TAOK3: variants seen among roughly 807,000 people sequenced by gnomAD.
TAOK3 encodes TAO kinase 3, also known as serine/threonine-protein kinase TAO3.
TAOK3 carries 40 observed loss-of-function variants against 120.4 expected under a neutral mutation model. The observed-to-expected ratio is 0.33, with a 90% CI of 0.26 to 0.43. TAOK3 has a LOEUF of 0.43. Ranked by LOEUF, TAOK3 falls within the 20% of genes least tolerant of loss-of-function variation. The probability of loss-of-function intolerance (pLI) is 1.00; values close to 1 mark genes in which losing one functional copy is unlikely to be tolerated. For missense variants in TAOK3, 821 were observed against 1,112.1 expected (o/e 0.74, Z 3.72); for synonymous variants, 355 against 387.5 (o/e 0.92, Z 0.99).
chr12:118,301,734 C>G (rs772561173), intron 1 of TAOK3, among the ~76,000 whole-genome samples: 3 of 150,778 alleles, frequency 2.0e-5, no homozygotes, highest in Non-Finnish European at 4.4e-5. Flanking sequence ...CCCAGCTACT[C>G]AGGAGGCTGA....
At chr12:118,365,203 C>T (rs2045708984) in intron 1 of TAOK3, among the ~76,000 whole-genome samples, 1 of 152,156 alleles carries the variant, frequency 6.6e-6, no homozygotes, top group African/African-American at 2.4e-5. Context: ...TTTATTCTTA[C>T]ATTCCAAAGA....
intron 1 of TAOK3, among the ~76,000 whole-genome samples, chr12:118,293,262 T>G (rs954032617): frequency 6.6e-6 from 1 of 152,262 alleles, no homozygotes; most frequent in African/African-American, 2.4e-5. Context: ...GATGCCTCTA[T>G]GTTCTTAAAT....
At chr12:118,214,135 A>T in intron 9 of TAOK3, 25 bp from the exon 10 acceptor site, 2 of 1,576,162 alleles carry the variant, frequency 1.3e-6, no homozygotes, top group Non-Finnish European at 1.7e-6. Flanking sequence ...AAACACAATA[A>T]AGTAGTTCTT....
intron 11 of TAOK3, among the ~76,000 whole-genome samples, chr12:118,207,178 T>C (rs1002982491): frequency 6.6e-6 from 1 of 151,168 alleles, no homozygotes; most frequent in South Asian, 2.1e-4. Context: ...AATAGAAAAT[T>C]AGCCGGGCGT....
intron 1 of TAOK3, among the ~76,000 whole-genome samples, chr12:118,310,188 G>A (rs1046841073): frequency 9.9e-5 from 15 of 152,216 alleles, no homozygotes; most frequent in African/African-American, 3.6e-4. Context: ...GAAGGCTGAG[G>A]TGGGAGGATT....
At chr12:118,333,712 T>A (rs939778768) in intron 1 of TAOK3, among the ~76,000 whole-genome samples, 7 of 149,640 alleles carry the variant, frequency 4.7e-5, no homozygotes, top group African/African-American at 1.7e-4. Context: ...GAAAAAAAAA[T>A]CAATAAAATT....
Position 118,238,072 on chromosome 12 carries a change from C to T in TAOK3, c.437+1G>A. The T allele has an allele frequency of 1.3e-6, 2 of 1,582,416 alleles. No individual in the cohort carries two copies. Among genetic ancestry groups the T allele is most frequent in the Non-Finnish European group, 1.7e-6 (2 of 1,155,564 alleles). The stretch of plus-strand genomic sequence containing the variant: ...GAAACATAACTGGTCTCTAATCTTA[C>T]CTATGAATCAATGCATGAGAATGTA... On this transcript the variant is annotated splice_donor_variant, in intron 7 of 20. Coordinates refer to ENST00000392533, the MANE Select transcript of TAOK3 (RefSeq NM_016281.4). LOFTEE classifies it high-confidence loss of function.
chr12:118,369,654 A>G (rs781185976), intron 1 of TAOK3, among the ~76,000 whole-genome samples: 24 of 152,344 alleles, frequency 1.6e-4, no homozygotes, highest in Middle Eastern at 3.4e-3. Flanking sequence ...CATTATATGC[A>G]TTGCAAAATG....
chr12:118,245,677 C>T (rs1282628490), intron 3 of TAOK3, among the ~76,000 whole-genome samples: 3 of 152,136 alleles, frequency 2.0e-5, no homozygotes, highest in Non-Finnish European at 2.9e-5. Context: ...AGATGCTTCA[C>T]TTTTTGATAG....
chr12:118,234,212 ATTTTTTTTTTTTTTTTTTT>A (rs763473530), intron 8 of TAOK3, among the ~76,000 whole-genome samples: 1 of 58,320 alleles, frequency 1.7e-5, no homozygotes, highest in Admixed American at 2.5e-4. Flanking sequence ...AAAGCAGGAA[ATTTTTTTTTTTTTTTTTTT>A]TTTTTTTTTT....
At position 118,255,495 on chromosome 12, in the gene TAOK3, T is replaced by C; in HGVS notation, c.73A>G (p.Ile25Val). The C allele has an allele frequency of 6.2e-7, 1 of 1,614,148 alleles. No individual in the cohort carries two copies. Among genetic ancestry groups the C allele is most frequent in the Non-Finnish European group, 8.5e-7 (1 of 1,180,014 alleles). ...CCATGTCCAATTTCATGCAAACCAA[T>C]AAAAAGTTCCTCAGGATCATCTTTG... ...FYKDDPEELF[I>V]GLHEIGHGSF... The change falls in exon 3 of 21, where the codon ATT (isoleucine) becomes GTT (valine). Residue 25 changes from isoleucine (I) to valine (V), a missense_variant. Ile to Val is a conservative substitution (Grantham distance 29). This residue lies in a region of TAOK3 where 467 missense variants were observed against 540.0 expected (regional missense o/e 0.86). Coordinates refer to ENST00000392533, the MANE Select transcript of TAOK3 (RefSeq NM_016281.4).
chr12:118,292,217 T>C lies in TAOK3; in HGVS notation c.-193-25458A>G, dbSNP rs375729381. Among the ~76,000 whole-genome samples the C allele has an allele frequency of 1.0e-3, 154 of 152,330 alleles. 1 individual carries two copies. The highest frequency in any genetic ancestry group is 1.1e-3 in the Non-Finnish European group (76 of 68,026). ...TAGAACCCATTACTTGGGCCTGTCTTCAATCGACAAGTCTAAAATATCACT... is the reference window on the plus strand; with the variant it reads ...TAGAACCCATTACTTGGGCCTGTCTCCAATCGACAAGTCTAAAATATCACT... On this transcript the variant is annotated intron_variant, in intron 1 of 20. Transcript: ENST00000392533.
chr12:118,235,808 C>G, intron 7 of TAOK3, 137 bp from the exon 8 acceptor site: 1 of 600,656 alleles, frequency 1.7e-6, no homozygotes, highest in Non-Finnish European at 2.9e-6. Context: ...GCTCAGATAG[C>G]CAGAAGGAGA....
chr12:118,342,872 T>G (rs949238990), intron 1 of TAOK3, among the ~76,000 whole-genome samples: 1 of 146,342 alleles, frequency 6.8e-6, no homozygotes, highest in Non-Finnish European at 1.5e-5. Flanking sequence ...AGGCCAAGGT[T>G]ACAGTGAGTG....
chr12:118,196,988 T>G (rs943339211), intron 13 of TAOK3, among the ~76,000 whole-genome samples: 1 of 152,230 alleles, frequency 6.6e-6, no homozygotes, highest in Non-Finnish European at 1.5e-5. Context: ...AAATCCTATT[T>G]ATGTTCCCAA....
At chr12:118,322,646 G>A (rs984707863) in intron 1 of TAOK3, among the ~76,000 whole-genome samples, 1 of 148,246 alleles carries the variant, frequency 6.7e-6, no homozygotes, top group Admixed American at 6.8e-5. Context: ...TTTGAATTTC[G>A]TATAATTTTC....
At position 118,265,007 on chromosome 12, in the gene TAOK3, C is replaced by T. The variant is rs111236432; in HGVS notation, c.-89+1648G>A. Among the ~76,000 whole-genome samples the T allele has an allele frequency of 5.6e-3, 844 of 151,884 alleles. 3 individuals carry two copies. The highest frequency in any genetic ancestry group is 0.019 in the African/African-American group (782 of 41,406). On this transcript the variant is annotated intron_variant, in intron 2 of 20. Coordinates refer to ENST00000392533, the MANE Select transcript of TAOK3 (RefSeq NM_016281.4). Reference sequence around the variant, plus strand: ...AGACATTGTGCCACTTCACTCTGGCCTGGGCAACAGAGCGAGACTCTGTCT... The same window carrying T: ...AGACATTGTGCCACTTCACTCTGGCTTGGGCAACAGAGCGAGACTCTGTCT...
chr12:118,302,314 T>G (rs1225967033), intron 1 of TAOK3, among the ~76,000 whole-genome samples: 1 of 152,174 alleles, frequency 6.6e-6, no homozygotes, highest in African/African-American at 2.4e-5. Flanking sequence ...CCTGGAGGGT[T>G]TTGGCACTGC....
chr12:118,206,191 A>T (rs1261405585), intron 11 of TAOK3, among the ~76,000 whole-genome samples: 1 of 152,230 alleles, frequency 6.6e-6, no homozygotes, highest in African/African-American at 2.4e-5. Context: ...GACAAAGACA[A>T]TAAAAGCTAC....
Sources: allele counts gnomAD v4.1 joint callset (sites outside exome capture counted in the v4.1 genomes callset), GRCh38; gene constraint gnomAD v4.1.1; regional missense constraint gnomAD v4.1.1; transcripts MANE v1.5; gene names NCBI Gene and HGNC (gene_info 2026-07-23, HGNC 2026-07-21).